MORN3: variants seen among roughly 807,000 people sequenced by gnomAD.
MORN3 encodes the protein MORN repeat containing 3.
In MORN3, 38 loss-of-function variants were observed where a neutral mutation model predicts 34.7. The ratio of observed to expected loss-of-function variants is 1.10; its 90% confidence interval spans 0.85 to 1.44. The LOEUF is 1.44. MORN3 is among the 40% of genes most tolerant of loss of function. MORN3 has a pLI of 0.00. For synonymous variants in MORN3, 109 were observed against 115.3 expected (o/e 0.95, Z 0.35); for missense variants, 311 against 321.7 (o/e 0.97, Z 0.25).
At chr12:121,658,426 C>CGTG (rs1893473972) in intron 2 of MORN3, among the ~76,000 whole-genome samples, 1 of 151,720 alleles carries the variant, frequency 6.6e-6, no homozygotes, top group Non-Finnish European at 1.5e-5. Context: ...ATTAGCCGGG[C>CGTG]GTGGTGGCGG....
chr12:121,664,116 G>C (rs1477541792), intron 1 of MORN3, among the ~76,000 whole-genome samples: 1 of 152,142 alleles, frequency 6.6e-6, no homozygotes, highest in African/African-American at 2.4e-5. Context: ...CCTGCAAGGG[G>C]AGGAAGCTGA....
At chr12:121,670,441 T>A (rs1893925091), upstream of MORN3, among the ~76,000 whole-genome samples, 1 of 151,866 alleles carries the variant, frequency 6.6e-6, no homozygotes, top group Non-Finnish European at 1.5e-5. Context: ...CCAGCTTGGA[T>A]GACAGAGTGA....
chr12:121,656,133 A>C (rs1040281312), intron 2 of MORN3, among the ~76,000 whole-genome samples: 5 of 152,180 alleles, frequency 3.3e-5, no homozygotes, highest in African/African-American at 1.2e-4. Flanking sequence ...TCTACTCCTC[A>C]AAATCCTGAT....
At chr12:121,657,882 T>A (rs1021047785) in intron 2 of MORN3, among the ~76,000 whole-genome samples, 15 of 142,958 alleles carry the variant, frequency 1.0e-4, no homozygotes, top group Non-Finnish European at 2.2e-4. Context: ...ATAAATAAAT[T>A]AATAATAATA....
chr12:121,659,865 T>C (rs544491710), intron 1 of MORN3, among the ~76,000 whole-genome samples: 1 of 152,024 alleles, frequency 6.6e-6, no homozygotes, highest in African/African-American at 2.4e-5. Flanking sequence ...TAGTGTCGCA[T>C]GCCTGTCTTT....
chr12:121,657,695 CTG>C (rs1343594300), intron 2 of MORN3, among the ~76,000 whole-genome samples: 1 of 152,026 alleles, frequency 6.6e-6, no homozygotes, highest in African/African-American at 2.4e-5. Flanking sequence ...TGGAGAAACT[CTG>C]TCTCTACTAA....
In MORN3 at chr12:121,659,113, G is replaced by A. The variant is rs1262841017; in HGVS notation, c.303+78C>T. 3.3e-6 allele frequency: 5 copies of A among 1,528,356 alleles called. No homozygotes were observed. In the African/African-American group the frequency reaches 5.6e-5, roughly 17 times the overall value. 94.7% of individuals were successfully genotyped at this position (1,528,356 alleles called of 1,614,324 possible). ...CTCTCTTTTCTCCCAGGCCTCTCTC[G>A]GCTTCCCCTAAACACACACGCGCGC... On this transcript the variant is annotated intron_variant, in intron 2 of 5. Coordinates refer to ENST00000355329, the MANE Select transcript of MORN3 (RefSeq NM_173855.5).
chr12:121,661,894 A>C (rs1415958272), intron 1 of MORN3, among the ~76,000 whole-genome samples: 1 of 150,066 alleles, frequency 6.7e-6, no homozygotes, highest in Non-Finnish European at 1.5e-5. Context: ...AGAAGGAGAG[A>C]GGGAGGGAGG....
chr12:121,669,988 C>T (rs370543235), upstream of MORN3, among the ~76,000 whole-genome samples: 4 of 151,858 alleles, frequency 2.6e-5, no homozygotes, highest in South Asian at 8.3e-4. Context: ...ATTCTCGTGC[C>T]TCAGCCTCCT....
chr12:121,657,625 T>C (rs1555325811), intron 2 of MORN3, among the ~76,000 whole-genome samples: 1 of 152,026 alleles, frequency 6.6e-6, no homozygotes. Flanking sequence ...CTTAGCACTT[T>C]GGGAGGCCCA....
In MORN3 at chr12:121,669,536, G is replaced by A. The variant is rs1419166944; in HGVS notation, c.-53C>T. 2.4e-5 allele frequency: 38 copies of A among 1,605,360 alleles called. No homozygotes were observed. Among genetic ancestry groups the A allele is most frequent in the Middle Eastern group, 3.3e-4 (2 of 6,062 alleles). Reference sequence around the variant, plus strand: ...TGCTGGAAAGGGGTTAGGGACATCTGGGGCTCAGCGCGCCCCGTGTAATGC... The same window carrying A: ...TGCTGGAAAGGGGTTAGGGACATCTAGGGCTCAGCGCGCCCCGTGTAATGC... On this transcript the variant is annotated 5_prime_UTR_variant, in exon 1 of 6. Transcript: ENST00000355329.
chr12:121,654,214 G>A (rs1893335474), intron 3 of MORN3, 60 bp downstream of exon 3: 3 of 1,326,568 alleles, frequency 2.3e-6, no homozygotes, highest in Non-Finnish European at 2.0e-6. Context: ...AATGGGCGTG[G>A]CCAGCTCGCT....
At chr12:121,664,144 C>G (rs998502245) in intron 1 of MORN3, among the ~76,000 whole-genome samples, 3 of 152,136 alleles carry the variant, frequency 2.0e-5, no homozygotes, top group Admixed American at 1.3e-4. Flanking sequence ...AGGAACTCAA[C>G]GCAGAGGAAA....
At chr12:121,670,163 C>G (rs1245915964), upstream of MORN3, among the ~76,000 whole-genome samples, 1 of 152,114 alleles carries the variant, frequency 6.6e-6, no homozygotes, top group East Asian at 1.9e-4. Context: ...GCATGAGCCA[C>G]TGAGCCAAAT....
rs1471344269 is a variant in MORN3, at chr12:121,653,176, G to A, written c.547C>T (p.Leu183=). The A allele has an allele frequency of 3.1e-6, 5 of 1,614,072 alleles. No homozygotes were observed. The Admixed American group carries it at 6.7e-5, about 22-fold the overall frequency. The change falls in exon 4 of 6, where the codon CTG becomes TTG. Residue 183 remains leucine (L), a synonymous_variant. Transcript: ENST00000355329. ...GRFFHLDHGQ[L]FEGFWVDNMA... ...TTGTCCACCCAGAAGCCTTCAAACA[G>A]CTGGCCGTGGTCCAGATGGAAGAAA...
Position 121,654,341 on chromosome 12 carries a change from G to A in MORN3, c.396C>T (p.Ser132=). ...QRSGWGRMYY[S]NGDIYEGQWE... Reference sequence around the variant, plus strand: ...ACTGTCCCTCGTAGATGTCGCCGTTGCTGTAATACATGCGGCCCCACCCGC... The same window carrying A: ...ACTGTCCCTCGTAGATGTCGCCGTTACTGTAATACATGCGGCCCCACCCGC... Residue 132 remains serine (S), a synonymous_variant, in exon 3 of 6, where the codon AGC becomes AGT. Coordinates refer to ENST00000355329, the MANE Select transcript of MORN3 (RefSeq NM_173855.5). 2.5e-6 allele frequency: 4 copies of A among 1,603,340 alleles called. No homozygotes were observed. Among genetic ancestry groups the A allele is most frequent in the Non-Finnish European group, 3.4e-6 (4 of 1,175,574 alleles).
chr12:121,665,764 CAAAAAAAAA>C (rs59071462), intron 1 of MORN3, among the ~76,000 whole-genome samples: 2 of 50,582 alleles, frequency 4.0e-5, no homozygotes, highest in Non-Finnish European at 7.7e-5. Context: ...GACTCTGTCT[CAAAAAAAAA>C]AAAAAAAAAA....
At chr12:121,660,690 C>T (rs1287390116) in intron 1 of MORN3, among the ~76,000 whole-genome samples, 4 of 128,318 alleles carry the variant, frequency 3.1e-5, no homozygotes, top group Non-Finnish European at 4.8e-5. Context: ...TTTTTTAAGA[C>T]GGAGTTTTGC....
chr12:121,663,369 T>G (rs570333971), intron 1 of MORN3, among the ~76,000 whole-genome samples: 2 of 152,208 alleles, frequency 1.3e-5, no homozygotes, highest in African/African-American at 4.8e-5. Flanking sequence ...TGGCTAATTT[T>G]GTATTTTTAG....
Sources: gnomAD v4.1 joint callset for allele counts (sites outside exome capture counted in the v4.1 genomes callset) on GRCh38, gnomAD v4.1.1 for gene constraint, MANE v1.5 for transcripts, NCBI Gene and HGNC (gene_info 2026-07-23, HGNC 2026-07-21) for gene names.